The following TRIM66 variants were observed in gnomAD, a reference collection of about 807,000 sequenced individuals.
TRIM66 encodes tripartite motif-containing protein 66.
In TRIM66, 99 loss-of-function variants were observed where a neutral mutation model predicts 148.2. The ratio of observed to expected loss-of-function variants is 0.67; its 90% CI spans 0.57 to 0.79. The LOEUF (loss-of-function observed/expected upper bound fraction) is 0.79, where lower values mean the gene tolerates loss of function less well. Ranked by LOEUF, TRIM66 falls within the 30% of genes least tolerant of loss-of-function variation. The pLI is 0.00. For missense variants in TRIM66, 1,666 were observed against 1,697.9 expected (o/e 0.98, Z 0.33); for synonymous variants, 616 against 635.9 (o/e 0.97, Z 0.47).
At chr11:8,666,980 C>A (rs1373235824) in intron 6 of TRIM66, among the ~76,000 whole-genome samples, 1 of 152,090 alleles carries the variant, frequency 6.6e-6, no homozygotes. Context: ...ACACACCCGG[C>A]AACTTTTTTT....
chr11:8,672,367 A>T lies in TRIM66; in HGVS notation c.-93T>A. Reference sequence around the variant, plus strand: ...GTGTCCCGTACCTGTGCCTCTCCTTATTGGTAGACAAGCTTGACCTAAGTT... The same window carrying T: ...GTGTCCCGTACCTGTGCCTCTCCTTTTTGGTAGACAAGCTTGACCTAAGTT... On this transcript the variant is annotated 5_prime_UTR_variant, in exon 5 of 25. Coordinates refer to ENST00000646038, the MANE Select transcript of TRIM66 (RefSeq NM_001388022.1). The T allele has an allele frequency of 6.6e-7, 1 of 1,518,338 alleles. No individual in the cohort carries two copies. The highest frequency in any genetic ancestry group is 1.2e-5 in the South Asian group (1 of 80,710). The allele number at this position is 1,518,338 out of a possible 1,614,324, so 94.1% of individuals were successfully genotyped here.
In TRIM66 at chr11:8,617,796, G is replaced by A. The variant is rs988589661; in HGVS notation, c.*148C>T. 1.1e-5 allele frequency: 8 copies of A among 710,932 alleles called. No individual in the cohort carries two copies. Among genetic ancestry groups the A allele is most frequent in the Non-Finnish European group, 1.7e-5 (7 of 415,340 alleles). The allele number at this position is 710,932 out of a possible 1,614,324, so 44.0% of individuals were successfully genotyped here. ...GTACTACGGCTCCCAAATAAATGCT[G>A]TAGATGCAAATGGCAAAGAAGAGCA... On this transcript the variant is annotated 3_prime_UTR_variant, in exon 25 of 25. Transcript: ENST00000646038.
In TRIM66 at chr11:8,658,986, T is replaced by A. The variant is rs182314597; in HGVS notation, c.341-7083A>T. On this transcript the variant is annotated intron_variant, in intron 6 of 24. Coordinates refer to ENST00000646038, the MANE Select transcript of TRIM66 (RefSeq NM_001388022.1). ...ACACATTTACGATGCACAAAGGTCCTGGGAGGTCTCCCTTGGCAGTTAACT... is the reference window on the plus strand; with the variant it reads ...ACACATTTACGATGCACAAAGGTCCAGGGAGGTCTCCCTTGGCAGTTAACT... The A allele has an allele frequency of 2.6e-4, 48 of 184,774 alleles. 1 individual carries two copies. In the East Asian group the frequency reaches 8.7e-3, roughly 34 times the overall value. The allele number at this position is 184,774 out of a possible 1,614,324, so 11.4% of individuals were successfully genotyped here.
rs1565481784 is a variant in TRIM66, at chr11:8,624,484, T to C, written c.2894A>G (p.Asp965Gly). Residue 965 changes from aspartate to glycine, a missense_variant, in exon 17 of 25, where the codon GAT becomes GGT. Asp to Gly is a moderately conservative substitution (Grantham distance 94, BLOSUM62 -1). Around this residue, in one of 3 missense-constraint regions of TRIM66, gnomAD observed 1,431 missense variants for 1,412.4 expected, o/e 1.01. Transcript: ENST00000646038. ...GGGGATGGCCAAGTCCTTGGGAGCA[T>C]CCAGACCGGGGACTATGGGACCTTG... is the stretch of plus-strand genomic sequence containing the variant. ...LGQGPIVPGLDAPKDLAIPSE... is the reference protein window; with the variant it reads ...LGQGPIVPGLGAPKDLAIPSE... 1 of 1,551,486 alleles carries C rather than the reference T, an allele frequency of 6.4e-7. No homozygotes were observed. The highest frequency in any genetic ancestry group is 1.4e-5 in the African/African-American group (1 of 73,124).
At chr11:8,625,624 C>T (rs7941744) in intron 15 of TRIM66, among the ~76,000 whole-genome samples, 5 of 152,042 alleles carry the variant, frequency 3.3e-5, no homozygotes, top group African/African-American at 9.7e-5. Flanking sequence ...GCAAAGGGTC[C>T]GGCTGTGGGA....
Position 8,624,505 on chromosome 11 carries a change from C to T in TRIM66, c.2873G>A (p.Gly958Asp), listed in dbSNP as rs1363365354. The change falls in exon 17 of 25, where the codon GGT becomes GAT. Residue 958 changes from glycine to aspartate, a missense_variant. Physicochemically the swap from Gly to Asp is moderately conservative, Grantham distance 94 (BLOSUM62 -1). Coordinates refer to ENST00000646038, the MANE Select transcript of TRIM66 (RefSeq NM_001388022.1). Reference protein sequence around the residue: ...STRFTDLLGQGPIVPGLDAPK... With the variant: ...STRFTDLLGQDPIVPGLDAPK... ...AGCATCCAGACCGGGGACTATGGGACCTTGTCCCAGTAAGTCAGTGAAGCG... is the reference window on the plus strand; with the variant it reads ...AGCATCCAGACCGGGGACTATGGGATCTTGTCCCAGTAAGTCAGTGAAGCG... 1 of 1,547,134 alleles carries T rather than the reference C, an allele frequency of 6.5e-7. No individual in the cohort carries two copies. The highest frequency in any genetic ancestry group is 2.0e-5 in the Admixed American group (1 of 49,368).
At position 8,640,960 on chromosome 11, in the gene TRIM66, G is replaced by A; in HGVS notation, c.1415C>T (p.Pro472Leu). The change falls in exon 14 of 25, where the codon CCA becomes CTA. Residue 472 changes from proline to leucine, a missense_variant. Pro to Leu is a moderately conservative substitution (Grantham distance 98, BLOSUM62 -3). Transcript: ENST00000646038. ...CTGGCCTTTGAGGGAAGGCGAGACT[G>A]GGGAGCAGTGGGAGCAGCACACAGA... ...SSSVCCSHCSPVSPSLKGQVP... is the reference protein window; with the variant it reads ...SSSVCCSHCSLVSPSLKGQVP... 1 of 1,551,282 alleles carries A rather than the reference G, an allele frequency of 6.4e-7. No homozygotes were observed. Among genetic ancestry groups the A allele is most frequent in the Non-Finnish European group, 8.7e-7 (1 of 1,146,962 alleles).
chr11:8,621,163 G>T lies in TRIM66; in HGVS notation c.3414C>A (p.Gly1138=), dbSNP rs1197786634. 4 of 1,551,712 alleles carry T rather than the reference G, an allele frequency of 2.6e-6. No individual in the cohort carries two copies. Among genetic ancestry groups the T allele is most frequent in the Middle Eastern group, 1.7e-4 (1 of 5,992 alleles). Residue 1138 remains glycine, a synonymous_variant, in exon 20 of 25, where the codon GGC becomes GGA. Coordinates refer to ENST00000646038, the MANE Select transcript of TRIM66 (RefSeq NM_001388022.1). ...CCTCATTCTCTATTGGGGCTGGGGG[G>T]CCCTTCTTGGCTCCTGGGGTTCGAG... ...LIPRTPGAKK[G]PPAPIENEDF... is the part of the protein sequence containing the mutation.
chr11:8,631,059 T>G (rs558697137), intron 15 of TRIM66, among the ~76,000 whole-genome samples: 1 of 152,162 alleles, frequency 6.6e-6, no homozygotes, highest in African/African-American at 2.4e-5. Context: ...ATTGTCAAAA[T>G]TCAGATAAAA....
rs968859345 is a variant in TRIM66, at chr11:8,648,517, C to G, written c.624G>C (p.Leu208Phe). The G allele has an allele frequency of 6.4e-7, 1 of 1,551,540 alleles. No individual in the cohort carries two copies. The highest frequency in any genetic ancestry group is 8.7e-7 in the Non-Finnish European group (1 of 1,147,002). ...GVNGGPGDFT[L>F]YCPLHTQEVL... ...CTTCCTGTGTGTGTAGAGGACAATA[C>G]AAGGTGAAGTCTCCGGGACCACCAT... Residue 208 changes from leucine (L) to phenylalanine (F), a missense_variant, in exon 9 of 25, where the codon TTG becomes TTC. By Grantham distance (22) the Leu-to-Phe change is conservative. This residue lies in a region of TRIM66 where 1,431 missense variants were observed against 1,412.4 expected (regional missense o/e 1.01). Transcript: ENST00000646038.
rs1465106197 is a variant in TRIM66, at chr11:8,620,095, G to C, written c.3702C>G (p.Cys1234Trp). The C allele has an allele frequency of 9.0e-6, 14 of 1,551,596 alleles. No homozygotes were observed. The highest frequency in any genetic ancestry group is 1.2e-5 in the Non-Finnish European group (14 of 1,146,994). Residue 1234 changes from cysteine (C) to tryptophan (W), a missense_variant, in exon 22 of 25, where the codon TGC becomes TGG. Physicochemically the swap from Cys to Trp is radical, Grantham distance 215. Transcript: ENST00000646038. ...KKCEKLVLSL[C>W]CNNLSLPFHE... ...GGAAGGGCAGGCTGAGGTTATTGCA[G>C]CACAAGGACAATACCAGCTTCTCAC...
chr11:8,656,571 A>C (rs916503322), intron 6 of TRIM66, among the ~76,000 whole-genome samples: 1 of 152,230 alleles, frequency 6.6e-6, no homozygotes, highest in Admixed American at 6.5e-5. Flanking sequence ...TCCATCTGTC[A>C]CAAGTGCAAA....
At chr11:8,678,365 G>A (rs564764509) in intron 3 of TRIM66, among the ~76,000 whole-genome samples, 36 of 152,290 alleles carry the variant, frequency 2.4e-4, no homozygotes, top group Non-Finnish European at 3.7e-4. Flanking sequence ...ACTGGGTAGT[G>A]ATACGAAAAA....
intron 6 of TRIM66, among the ~76,000 whole-genome samples, chr11:8,671,531 C>A (rs1233766086): frequency 6.6e-6 from 1 of 152,206 alleles, no homozygotes; most frequent in Admixed American, 6.5e-5. Flanking sequence ...TGAATCAAAA[C>A]CTTTCCAGGC....
chr11:8,624,217 A>G, intron 17 of TRIM66, 142 bp downstream of exon 17: 1 of 935,312 alleles, frequency 1.1e-6, no homozygotes, highest in Non-Finnish European at 1.6e-6. Context: ...ACAGTTCCGG[A>G]GGAGAGAAGT....
intron 1 of TRIM66, among the ~76,000 whole-genome samples, chr11:8,681,262 T>C (rs55931237): frequency 6.6e-6 from 1 of 151,516 alleles, no homozygotes; most frequent in Non-Finnish European, 1.5e-5. Context: ...GCCTCCCGAG[T>C]AGCTGGGACT....
chr11:8,621,614 G>A, intron 19 of TRIM66, 31 bp downstream of exon 19: 1 of 1,486,666 alleles, frequency 6.7e-7, no homozygotes, highest in Non-Finnish European at 8.9e-7. Flanking sequence ...GCTGGGCCAG[G>A]GTTTAAGGCC....
At chr11:8,669,950 A>T (rs2038832307) in intron 6 of TRIM66, among the ~76,000 whole-genome samples, 2 of 151,594 alleles carry the variant, frequency 1.3e-5, no homozygotes, top group African/African-American at 2.4e-5. Context: ...AGATTATTTC[A>T]TCACCCAGGT....
intron 17 of TRIM66, among the ~76,000 whole-genome samples, chr11:8,623,610 C>T (rs1466188770): frequency 1.3e-5 from 2 of 152,170 alleles, no homozygotes; most frequent in South Asian, 2.1e-4. Context: ...AAATTAAACA[C>T]GCATCATACA....
Sources: gnomAD v4.1 joint callset for allele counts (sites outside exome capture counted in the v4.1 genomes callset) on GRCh38, gnomAD v4.1.1 for gene constraint, gnomAD v4.1.1 regional missense constraint, MANE v1.5 for transcripts, NCBI Gene and HGNC (gene_info 2026-07-23, HGNC 2026-07-21) for gene names.